VCAN: variants seen among roughly 807,000 people sequenced by gnomAD.
The protein encoded by VCAN is versican core protein.
VCAN carries 44 observed loss-of-function variants against 245.5 expected under a neutral mutation model. The ratio of observed to expected loss-of-function variants is 0.18; its 90% CI spans 0.14 to 0.23. The LOEUF is 0.23. Among genes scored for constraint, VCAN ranks in the 10% least tolerant of loss-of-function variants. The pLI is 1.00. For synonymous variants in VCAN, 1,413 were observed against 1,437.0 expected, an observed-to-expected ratio of 0.98 and a Z score of 0.38; for missense variants, 3,793 against 4,057.9, an observed-to-expected ratio of 0.93 and a Z score of 1.77.
At position 83,520,478 on chromosome 5, in the gene VCAN, G is replaced by T; in HGVS notation, c.2172G>T (p.Met724Ile). The T allele has an allele frequency of 6.2e-7, 1 of 1,613,956 alleles. No homozygotes were observed. The highest frequency in any genetic ancestry group is 1.3e-5 in the African/African-American group (1 of 75,038). ...CAGAAGAAGAAGTCTTCTCTGGGATGAAACTCTCTACATCTCTCTCAGAGC... is the reference window on the plus strand; with the variant it reads ...CAGAAGAAGAAGTCTTCTCTGGGATTAAACTCTCTACATCTCTCTCAGAGC... ...GKTEEEVFSG[M>I]KLSTSLSEPI... Residue 724 changes from methionine (M) to isoleucine (I), a missense_variant, in exon 7 of 15, where the codon ATG becomes ATT. This residue lies in a region of VCAN where 3,182 missense variants were observed against 3,250.3 expected (regional missense o/e 0.98). Coordinates refer to ENST00000265077, the MANE Select transcript of VCAN (RefSeq NM_004385.5).
At chr5:83,478,493 C>T (rs1744477226) in intron 1 of VCAN, among the ~76,000 whole-genome samples, 1 of 152,000 alleles carries the variant, frequency 6.6e-6, no homozygotes, top group African/African-American at 2.4e-5. Flanking sequence ...GACAAATGGA[C>T]AAGGATGTTC....
At chr5:83,474,330 C>A (rs944469933) in intron 1 of VCAN, among the ~76,000 whole-genome samples, 1 of 152,146 alleles carries the variant, frequency 6.6e-6, no homozygotes, top group Non-Finnish European at 1.5e-5. Context: ...CAGCCAGGAA[C>A]GGACCGGAAG....
chr5:83,579,425 G>A (rs1174748694), intron 13 of VCAN, among the ~76,000 whole-genome samples: 1 of 151,972 alleles, frequency 6.6e-6, no homozygotes. Context: ...CACCATGCCT[G>A]GCTAATTTTT....
In VCAN at chr5:83,581,261, T is replaced by C. The variant is rs1486846251; in HGVS notation, c.*827T>C. ...ACTCATAAGGTTACCGATCAATGCA[T>C]TTCATACGGATATAGACCTAGGGCT... On this transcript the variant is annotated 3_prime_UTR_variant, in exon 15 of 15. Transcript: ENST00000265077. The C allele has an allele frequency of 6.7e-6, 1 of 149,832 alleles. No individual in the cohort carries two copies. Among genetic ancestry groups the C allele is most frequent in the Non-Finnish European group, 1.5e-5 (1 of 67,902 alleles). 9.3% of individuals were successfully genotyped at this position (149,832 alleles called of 1,614,324 possible).
rs148114239 is a variant in VCAN, at chr5:83,540,179, C to T, written c.7176C>T (p.Asn2392=). The change falls in exon 8 of 15, where the codon AAC becomes AAT. Residue 2392 remains asparagine (N), a synonymous_variant. Coordinates refer to ENST00000265077, the MANE Select transcript of VCAN (RefSeq NM_004385.5). The stretch of plus-strand genomic sequence containing the variant: ...AGAATTCTTCAACAGCAGAAATTAA[C>T]GAAACAACAACCTCATCTACTGATT... ...SNKNSSTAEI[N]ETTTSSTDFL... is the part of the protein sequence containing the mutation. 2.2e-4 allele frequency: 359 copies of T among 1,613,996 alleles called. No individual in the cohort carries two copies. The African/African-American group carries it at 4.0e-3, about 18-fold the overall frequency.
intron 5 of VCAN, 134 bp from the exon 6 acceptor site, chr5:83,511,969 A>T: frequency 1.8e-6 from 2 of 1,082,146 alleles, no homozygotes; most frequent in Non-Finnish European, 1.3e-6. Context: ...TTTCTGCTTT[A>T]AAGTATCAGA....
chr5:83,510,942 C>T (rs1174945987), intron 5 of VCAN, among the ~76,000 whole-genome samples: 1 of 152,078 alleles, frequency 6.6e-6, no homozygotes, highest in Non-Finnish European at 1.5e-5. Context: ...GGCAAAACCC[C>T]GTCTCCACTA....
chr5:83,494,029 A>C, intron 5 of VCAN, 98 bp downstream of exon 5: 1 of 1,590,744 alleles, frequency 6.3e-7, no homozygotes, highest in African/African-American at 1.3e-5. Context: ...GCTTGTTTGG[A>C]TTCCAAACGG....
chr5:83,478,141 C>T (rs1018531002), intron 1 of VCAN, among the ~76,000 whole-genome samples: 2 of 151,910 alleles, frequency 1.3e-5, no homozygotes, highest in African/African-American at 4.8e-5. Flanking sequence ...GGGGTTTCAC[C>T]ATGTTGGCCA....
At chr5:83,578,748 C>G (rs1748563711) in intron 13 of VCAN, among the ~76,000 whole-genome samples, 1 of 151,960 alleles carries the variant, frequency 6.6e-6, no homozygotes, top group Non-Finnish European at 1.5e-5. Context: ...TTTTTGTGGG[C>G]CTGTGGTGTA....
At chr5:83,563,620 G>A (rs1028862512) in intron 12 of VCAN, among the ~76,000 whole-genome samples, 1 of 152,130 alleles carries the variant, frequency 6.6e-6, no homozygotes, top group African/African-American at 2.4e-5. Flanking sequence ...AGTGTTTTCT[G>A]TTTGGAATTT....
At position 83,580,494 on chromosome 5, in the gene VCAN, C is replaced by A. The variant is rs919975170; in HGVS notation, c.*60C>A. ...CAGCCAAAGTCCTAACTTCCTGTGC[C>A]TTTCCTATCACCTCGAGAAGTAATT... is the stretch of plus-strand genomic sequence containing the variant. On this transcript the variant is annotated 3_prime_UTR_variant, in exon 15 of 15. Coordinates refer to ENST00000265077, the MANE Select transcript of VCAN (RefSeq NM_004385.5). 3 of 1,607,050 alleles carry A rather than the reference C, an allele frequency of 1.9e-6. No homozygotes were observed. The African/African-American group carries it at 4.0e-5, about 21-fold the overall frequency.
chr5:83,540,140 A>G lies in VCAN; in HGVS notation c.7137A>G (p.Glu2379=). The G allele has an allele frequency of 1.2e-6, 2 of 1,613,978 alleles. No individual in the cohort carries two copies. The highest frequency in any genetic ancestry group is 1.7e-5 in the Admixed American group (1 of 59,964). The change falls in exon 8 of 15, where the codon GAA becomes GAG. Residue 2379 remains glutamate, a synonymous_variant. Coordinates refer to ENST00000265077, the MANE Select transcript of VCAN (RefSeq NM_004385.5). ...CTAGTAGACCACAAACCATAACTGA[A>G]CAAGACTCTAACAAGAATTCTTCAA... is the stretch of plus-strand genomic sequence containing the variant. ...IQTSRPQTIT[E]QDSNKNSSTA...
intron 6 of VCAN, among the ~76,000 whole-genome samples, chr5:83,516,003 T>G (rs977580288): frequency 6.6e-6 from 1 of 152,168 alleles, no homozygotes; most frequent in Non-Finnish European, 1.5e-5. Context: ...GAGGCCAAGG[T>G]GGGCGGATCA....
Position 83,493,846 on chromosome 5 carries a change from G to A in VCAN, c.663G>A (p.Lys221=). Residue 221 remains lysine (K), a synonymous_variant, in exon 5 of 15, where the codon AAG becomes AAA. Coordinates refer to ENST00000265077, the MANE Select transcript of VCAN (RefSeq NM_004385.5). ...CCAGAGTAGGCTGTTATGGAGATAA[G>A]ATGGGAAAGGCAGGAGTCAGGACTT... ...RAPRVGCYGD[K]MGKAGVRTYG... is the part of the protein sequence containing the mutation. 6.2e-7 allele frequency: 1 copy of A among 1,614,124 alleles called. No homozygotes were observed.
intron 10 of VCAN, among the ~76,000 whole-genome samples, chr5:83,551,121 G>A (rs1580058828): frequency 6.6e-6 from 1 of 151,894 alleles, no homozygotes; most frequent in East Asian, 1.9e-4. Context: ...AACTGAGACA[G>A]GCACTGTTAG....
chr5:83,503,212 G>A (rs549845779), intron 5 of VCAN, among the ~76,000 whole-genome samples: 2 of 151,676 alleles, frequency 1.3e-5, no homozygotes, highest in Admixed American at 6.6e-5. Flanking sequence ...ACAAAAAAAC[G>A]ATGGAGAGAG....
chr5:83,481,776 G>C (rs946566402), intron 1 of VCAN, among the ~76,000 whole-genome samples: 8 of 152,100 alleles, frequency 5.3e-5, no homozygotes, highest in Admixed American at 3.9e-4. Flanking sequence ...GTTTTGAAAA[G>C]GTCTAATTCT....
chr5:83,532,556 A>G (rs1746561500), intron 7 of VCAN, among the ~76,000 whole-genome samples: 1 of 152,004 alleles, frequency 6.6e-6, no homozygotes, highest in Non-Finnish European at 1.5e-5. Flanking sequence ...TCTCCTTCAA[A>G]CTGATATTAA....
Sources: gnomAD v4.1 joint callset for allele counts (sites outside exome capture counted in the v4.1 genomes callset) on GRCh38, gnomAD v4.1.1 for gene constraint, gnomAD v4.1.1 regional missense constraint, MANE v1.5 for transcripts, NCBI Gene and HGNC (gene_info 2026-07-23, HGNC 2026-07-21) for gene names.